Variants in FBXO31 observed in about 807,000 individuals in gnomAD.
The protein encoded by FBXO31 is F-box protein 31.
A neutral mutation model predicts 54.4 loss-of-function variants in FBXO31; 24 were observed. That is an observed-to-expected ratio of 0.44 (90% confidence interval 0.32 to 0.62). The LOEUF (loss-of-function observed/expected upper bound fraction) is 0.62, where lower values mean the gene tolerates loss of function less well. FBXO31 is among the 20% of genes least tolerant of loss of function. The pLI is 0.05. For synonymous variants in FBXO31, 388 were observed against 335.6 expected (o/e 1.16, Z -1.71); for missense variants, 665 against 787.1 (o/e 0.84, Z 1.86).
intron 2 of FBXO31, among the ~76,000 whole-genome samples, chr16:87,356,154 G>A (rs1435384217): frequency 3.3e-5 from 5 of 151,504 alleles, no homozygotes; most frequent in East Asian, 1.9e-4. Flanking sequence ...GCTTGAACCC[G>A]GGAGGCAGAG....
At chr16:87,341,239 A>T (rs999246728) in intron 5 of FBXO31, among the ~76,000 whole-genome samples, 1 of 152,248 alleles carries the variant, frequency 6.6e-6, no homozygotes, top group African/African-American at 2.4e-5. Context: ...AAGTAGGCTT[A>T]CAGAAACTTT....
chr16:87,363,125 C>A (rs1301057360), intron 1 of FBXO31, among the ~76,000 whole-genome samples: 1 of 152,106 alleles, frequency 6.6e-6, no homozygotes, highest in East Asian at 1.9e-4. Flanking sequence ...TGGCTCATGC[C>A]TGTAATCCCA....
chr16:87,379,929 G>A (rs1292579363), intron 1 of FBXO31, among the ~76,000 whole-genome samples: 2 of 148,602 alleles, frequency 1.3e-5, no homozygotes, highest in Non-Finnish European at 3.0e-5. Context: ...GTATTAACAT[G>A]AATAGAACTT....
chr16:87,378,491 G>A (rs1906926526), intron 1 of FBXO31, among the ~76,000 whole-genome samples: 1 of 152,198 alleles, frequency 6.6e-6, no homozygotes, highest in Admixed American at 6.5e-5. Flanking sequence ...CAGCTACTGT[G>A]CAATACTGCA....
chr16:87,350,171 G>T (rs143073284), intron 2 of FBXO31, among the ~76,000 whole-genome samples: 96 of 152,196 alleles, frequency 6.3e-4, no homozygotes, highest in East Asian at 3.3e-3. Context: ...CACTGGAGTG[G>T]CAAGACCACT....
chr16:87,351,580 T>C (rs1905657413), intron 2 of FBXO31, among the ~76,000 whole-genome samples: 1 of 152,092 alleles, frequency 6.6e-6, no homozygotes, highest in Non-Finnish European at 1.5e-5. Context: ...TAGCAAGGGA[T>C]AGGGCTGGGT....
chr16:87,331,529 G>T lies in FBXO31; in HGVS notation c.1398-19C>A. 6.3e-7 allele frequency: 1 copy of T among 1,577,528 alleles called. No individual in the cohort carries two copies. The highest frequency in any genetic ancestry group is 1.7e-4 in the Middle Eastern group (1 of 5,994). Reference sequence around the variant, plus strand: ...ATAAAAACTGAGCAGAAACAAGAGGGAAACTGTGAGCTGGGGGAGGGCTGA... The same window carrying T: ...ATAAAAACTGAGCAGAAACAAGAGGTAAACTGTGAGCTGGGGGAGGGCTGA... On this transcript the variant is annotated intron_variant, in intron 8 of 8. Transcript: ENST00000311635.
At chr16:87,376,894 G>A (rs1409646610) in intron 1 of FBXO31, among the ~76,000 whole-genome samples, 1 of 152,196 alleles carries the variant, frequency 6.6e-6, no homozygotes, top group African/African-American at 2.4e-5. Flanking sequence ...TCAGGGCTCA[G>A]AAAACTAAGA....
At chr16:87,390,471 C>T (rs564073641), upstream of FBXO31, among the ~76,000 whole-genome samples, 42 of 150,564 alleles carry the variant, frequency 2.8e-4, no homozygotes, top group African/African-American at 1.0e-3. Context: ...GATGGAGTTT[C>T]GCTCTTTCCC....
Position 87,334,211 on chromosome 16 carries a change from C to T in FBXO31, c.1072G>A (p.Glu358Lys), listed in dbSNP as rs779156693. Residue 358 changes from glutamate to lysine, a missense_variant, in exon 8 of 9, where the codon GAG becomes AAG. Coordinates refer to ENST00000311635, the MANE Select transcript of FBXO31 (RefSeq NM_024735.5). ...AGCTCATTGAAGTTGCGCTGGTTCTCGAGGTCGGGCAGCTGGATCCGATGC... is the reference window on the plus strand; with the variant it reads ...AGCTCATTGAAGTTGCGCTGGTTCTTGAGGTCGGGCAGCTGGATCCGATGC... The part of the protein sequence containing the change: ...LRHRIQLPDL[E>K]NQRNFNELSR... 4 of 1,612,230 alleles carry T rather than the reference C, an allele frequency of 2.5e-6. No individual in the cohort carries two copies. Among genetic ancestry groups the T allele is most frequent in the Non-Finnish European group, 3.4e-6 (4 of 1,179,422 alleles).
intron 2 of FBXO31, among the ~76,000 whole-genome samples, chr16:87,347,882 G>A (rs563255764): frequency 7.9e-5 from 12 of 152,254 alleles, no homozygotes; most frequent in African/African-American, 2.4e-4. Context: ...TGCTGGTAGC[G>A]CTACAAGGCA....
At chr16:87,389,760 A>G (rs756630224) in exon 1 of FBXO31, 6 of 152,224 alleles carry the variant, frequency 3.9e-5, no homozygotes, top group Admixed American at 2.0e-4. Context: ...CTATTTTCAC[A>G]GAATACAAAC....
chr16:87,384,030 G>A (rs761973271), upstream of FBXO31: 6 of 190,094 alleles, frequency 3.2e-5, no homozygotes, highest in African/African-American at 7.0e-5. Context: ...ACTGCCCCGT[G>A]TGAGGCTCGA....
intron 5 of FBXO31, among the ~76,000 whole-genome samples, chr16:87,342,471 C>T (rs757546519): frequency 2.8e-4 from 43 of 152,194 alleles, no homozygotes; most frequent in Non-Finnish European, 5.4e-4. Flanking sequence ...TGCACTGGCA[C>T]GATCCGGAAG....
chr16:87,384,388 C>G (rs748343939), upstream of FBXO31, among the ~76,000 whole-genome samples: 2 of 152,320 alleles, frequency 1.3e-5, no homozygotes, highest in Admixed American at 6.5e-5. Flanking sequence ...GCGGAAGCCC[C>G]GGGGAGGGCT....
chr16:87,356,228 CAAAAA>C (rs562439286), intron 2 of FBXO31, among the ~76,000 whole-genome samples: 2 of 82,676 alleles, frequency 2.4e-5, no homozygotes, highest in Non-Finnish European at 2.5e-5. Flanking sequence ...GACTCCATCT[CAAAAA>C]AAAAAAAAAA....
Position 87,346,244 on chromosome 16 carries a change from T to A in FBXO31, c.489+930A>T, listed in dbSNP as rs533486196. On this transcript the variant is annotated intron_variant, in intron 3 of 8. Coordinates refer to ENST00000311635, the MANE Select transcript of FBXO31 (RefSeq NM_024735.5). The surrounding 1 kb of genome is among the most constrained non-coding windows in gnomAD (Gnocchi z 4.2). ...GCAGAGCAGGTGCCCTGACTCCACTTTGCCCGCAGGCCGGGGCCAGGGCCT... is the reference window on the plus strand; with the variant it reads ...GCAGAGCAGGTGCCCTGACTCCACTATGCCCGCAGGCCGGGGCCAGGGCCT... Among the ~76,000 whole-genome samples the A allele has an allele frequency of 6.6e-6, 1 of 151,938 alleles. No homozygotes were observed. Among genetic ancestry groups the A allele is most frequent in the African/African-American group, 2.4e-5 (1 of 41,446 alleles).
At position 87,362,153 on chromosome 16, in the gene FBXO31, T is replaced by C. The variant is rs186281555; in HGVS notation, c.341-1787A>G. On this transcript the variant is annotated intron_variant, in intron 1 of 8. Transcript: ENST00000311635. ...CAGATCTAGGCCGGGGCTGCCCTGA[T>C]GGAAACACAACGTGAGCCACAAATA... Among the ~76,000 whole-genome samples the C allele has an allele frequency of 1.7e-3, 261 of 152,248 alleles. 1 individual carries two copies. Among genetic ancestry groups the C allele is most frequent in the African/African-American group, 6.0e-3 (249 of 41,516 alleles).
chr16:87,371,472 C>G (rs1235979185), intron 1 of FBXO31, among the ~76,000 whole-genome samples: 1 of 152,268 alleles, frequency 6.6e-6, no homozygotes, highest in African/African-American at 2.4e-5. Context: ...TCCTATCACC[C>G]AGGACCTTCC....
Sources: allele counts gnomAD v4.1 joint callset (sites outside exome capture counted in the v4.1 genomes callset), GRCh38; gene constraint gnomAD v4.1.1; non-coding constraint Gnocchi (gnomAD v3.1); transcripts MANE v1.5; gene names NCBI Gene and HGNC (gene_info 2026-07-23, HGNC 2026-07-21).